FGF1: variants seen among roughly 807,000 people sequenced by gnomAD.
The protein encoded by FGF1 is fibroblast growth factor 1, also known as beta-endothelial cell growth factor.
Under a neutral mutation model 13.4 loss-of-function variants are expected in FGF1, and 9 were observed. The ratio of observed to expected loss-of-function variants is 0.67; its 90% CI spans 0.40 to 1.17. The LOEUF (loss-of-function observed/expected upper bound fraction) is 1.17. FGF1 is among the 50% of genes most tolerant of loss of function. The pLI, the probability that FGF1 is intolerant of heterozygous loss-of-function variation, is 0.01. For synonymous variants in FGF1, 93 were observed against 79.0 expected (o/e 1.18, Z -0.94); for missense variants, 156 against 192.7 (o/e 0.81, Z 1.13).
chr5:142,646,212 T>C (rs1766059547), intron 1 of FGF1, among the ~76,000 whole-genome samples: 1 of 125,916 alleles, frequency 7.9e-6, no homozygotes. Flanking sequence ...CCTGGCCTTT[T>C]TTTTTTTTTT....
chr5:142,647,312 G>T (rs1169644364), intron 1 of FGF1, among the ~76,000 whole-genome samples: 1 of 152,140 alleles, frequency 6.6e-6, no homozygotes, highest in Non-Finnish European at 1.5e-5. Flanking sequence ...TCTCCCATAT[G>T]TTTACTTTCA....
intron 1 of FGF1, chr5:142,644,394 C>T (rs1322005649): frequency 6.6e-6 from 1 of 152,204 alleles, no homozygotes; most frequent in African/African-American, 2.4e-5. Context: ...ATCCCCACCC[C>T]ATGTATTTGA....
chr5:142,631,909 C>T (rs1763441818), intron 1 of FGF1, among the ~76,000 whole-genome samples: 2 of 151,212 alleles, frequency 1.3e-5, no homozygotes, highest in Non-Finnish European at 2.9e-5. Context: ...TCAGCCTCCC[C>T]ATTAGCTGGG....
intron 1 of FGF1, among the ~76,000 whole-genome samples, chr5:142,679,478 T>C (rs1240476825): frequency 6.6e-6 from 1 of 152,168 alleles, no homozygotes; most frequent in East Asian, 1.9e-4. Context: ...TATACCCCCA[T>C]CTAGCCTCTA....
At chr5:142,690,423 T>TA (rs1752011144), upstream of FGF1, among the ~76,000 whole-genome samples, 1 of 152,194 alleles carries the variant, frequency 6.6e-6, no homozygotes, top group Non-Finnish European at 1.5e-5. Context: ...CTAAGAGGTA[T>TA]AAAACGACAC....
rs546696127 is a variant in FGF1, at chr5:142,632,792, G to T, written c.-34-18631C>A. Among the ~76,000 whole-genome samples the T allele has an allele frequency of 7.9e-5, 12 of 152,206 alleles. No homozygotes were observed. The East Asian group carries it at 2.3e-3, about 29-fold the overall frequency. On this transcript the variant is annotated intron_variant, in intron 1 of 3. Coordinates refer to ENST00000337706, the MANE Select transcript of FGF1 (RefSeq NM_000800.5). ...CATTTGTAATGGTTGCATACAGATG[G>T]TTCATTTGTAATGGTTGCACCTTCA...
chr5:142,689,243 C>T (rs1014566780), upstream of FGF1, among the ~76,000 whole-genome samples: 3 of 152,150 alleles, frequency 2.0e-5, no homozygotes, highest in Non-Finnish European at 2.9e-5. Context: ...TCAGGCACAA[C>T]AAATCTTAAT....
At chr5:142,644,185 G>A (rs1036315579) in intron 1 of FGF1, 3 of 152,264 alleles carry the variant, frequency 2.0e-5, no homozygotes, top group Non-Finnish European at 2.9e-5. Context: ...ACTCACTAAG[G>A]AATCCCCCAA....
intron 2 of FGF1, among the ~76,000 whole-genome samples, chr5:142,606,751 T>C (rs1355965085): frequency 1.3e-5 from 2 of 152,198 alleles, no homozygotes; most frequent in East Asian, 3.8e-4. Flanking sequence ...TAAGAGGAAC[T>C]AAGACTGGGA....
intron 1 of FGF1, among the ~76,000 whole-genome samples, chr5:142,670,949 T>C (rs1771350421): frequency 1.3e-5 from 2 of 152,222 alleles, no homozygotes; most frequent in African/African-American, 2.4e-5. Flanking sequence ...AAGCGCTTTA[T>C]CACATGTGCT....
At chr5:142,618,559 G>T (rs1475021919) in intron 1 of FGF1, among the ~76,000 whole-genome samples, 2 of 152,180 alleles carry the variant, frequency 1.3e-5, no homozygotes, top group African/African-American at 2.4e-5. Flanking sequence ...GTGATTAAAT[G>T]CTTAATTTAA....
At chr5:142,609,221 T>C (rs899212966) in intron 2 of FGF1, among the ~76,000 whole-genome samples, 1 of 152,138 alleles carries the variant, frequency 6.6e-6, no homozygotes, top group African/African-American at 2.4e-5. Context: ...GGATGTGGCT[T>C]GATTTATAAA....
chr5:142,595,217 A>C lies in FGF1; in HGVS notation c.*73T>G. 1 of 1,315,182 alleles carries C rather than the reference A, an allele frequency of 7.6e-7. No individual in the cohort carries two copies. Among genetic ancestry groups the C allele is most frequent in the Admixed American group, 2.1e-5 (1 of 47,868 alleles). The allele number at this position is 1,315,182 out of a possible 1,614,324, so 81.5% of individuals were successfully genotyped here. On this transcript the variant is annotated 3_prime_UTR_variant, in exon 4 of 4. Transcript: ENST00000337706. Reference sequence around the variant, plus strand: ...GGTTAGCGCAGCCAATGGTCAAGGGAACATTTTTGGGTCAACCAGGTGAGG... The same window carrying C: ...GGTTAGCGCAGCCAATGGTCAAGGGCACATTTTTGGGTCAACCAGGTGAGG...
intron 1 of FGF1, among the ~76,000 whole-genome samples, chr5:142,619,269 C>CA: frequency 6.6e-6 from 1 of 152,100 alleles, no homozygotes; most frequent in East Asian, 1.9e-4. Context: ...ACTGTGTAAG[C>CA]AATGTGGAAT....
chr5:142,649,154 C>T (rs61028958), intron 1 of FGF1, among the ~76,000 whole-genome samples: 6,838 of 152,212 alleles, frequency 0.045, 525 homozygotes, highest in African/African-American at 0.15. Flanking sequence ...AAGTTGTGAT[C>T]GCTCTTGATT....
chr5:142,683,821 C>CAAAAAAAA (rs768317949), intron 1 of FGF1, among the ~76,000 whole-genome samples: 1,666 of 49,544 alleles, frequency 0.034, 62 homozygotes, highest in African/African-American at 0.083. Context: ...AACTCTGTCT[C>CAAAAAAAA]AAAAAAAAAA....
chr5:142,603,158 C>A (rs954421049), intron 2 of FGF1, among the ~76,000 whole-genome samples: 1 of 152,192 alleles, frequency 6.6e-6, no homozygotes, highest in Non-Finnish European at 1.5e-5. Context: ...CTCTCTCGAG[C>A]CTTCAGTCAC....
At chr5:142,609,951 T>C (rs1758688774) in intron 2 of FGF1, among the ~76,000 whole-genome samples, 1 of 152,084 alleles carries the variant, frequency 6.6e-6, no homozygotes. Flanking sequence ...ATAACACAGA[T>C]GTGTTTATTG....
chr5:142,695,068 G>A (rs996260857), intron 2 of FGF1, among the ~76,000 whole-genome samples: 3 of 152,156 alleles, frequency 2.0e-5, no homozygotes, highest in African/African-American at 7.2e-5. Context: ...GTGGCATCCT[G>A]GGTTATAGTC....
Sources: allele counts gnomAD v4.1 joint callset (sites outside exome capture counted in the v4.1 genomes callset), GRCh38; gene constraint gnomAD v4.1.1; transcripts MANE v1.5; gene names NCBI Gene and HGNC (gene_info 2026-07-23, HGNC 2026-07-21).